Variants in GABRG3 observed in about 807,000 individuals in gnomAD.
GABRG3 encodes gamma-aminobutyric acid type A receptor subunit gamma3.
A neutral mutation model predicts 48.8 loss-of-function variants in GABRG3; 25 were observed. The ratio of observed to expected loss-of-function variants is 0.51; its 90% CI spans 0.37 to 0.72. The LOEUF is 0.72. Ranked by LOEUF, GABRG3 falls within the 30% of genes least tolerant of loss-of-function variation. The pLI is 0.00. For synonymous variants in GABRG3, 227 were observed against 217.6 expected, an observed-to-expected ratio of 1.04 and a Z score of -0.38; for missense variants, 394 against 577.9, an observed-to-expected ratio of 0.68 and a Z score of 3.26.
At chr15:26,980,283 A>G (rs747908957) in intron 2 of GABRG3, among the ~76,000 whole-genome samples, 1 of 151,900 alleles carries the variant, frequency 6.6e-6, no homozygotes, top group Non-Finnish European at 1.5e-5. Context: ...TTTTTCTGTT[A>G]TTTTTGTTCC....
In GABRG3 at chr15:27,248,803, C is replaced by CACACAGAG. The variant is rs1377080195; in HGVS notation, c.271-78005_271-78004insCACAGAGA. 4.7e-3 allele frequency among the ~76,000 whole-genome samples: 521 copies of CACACAGAG among 110,108 alleles called. 4 individuals are homozygous for CACACAGAG. The highest frequency in any genetic ancestry group is 0.019 in the African/African-American group (493 of 25,540). The allele number at this position is 110,108 out of a possible 152,430, so 72.2% of individuals were successfully genotyped here. A position where few individuals can be genotyped will look rare whatever the true frequency, so the allele number is the denominator to read the frequency against. ...ACACACACACACACACACACACACA[C>CACACAGAG]AGAGAGAGAGAGAGAGAGAGAGAGA... On this transcript the variant is annotated intron_variant, in intron 3 of 9. Transcript: ENST00000615808.
intron 3 of GABRG3, among the ~76,000 whole-genome samples, chr15:27,219,128 G>C (rs945079697): frequency 2.0e-5 from 3 of 152,156 alleles, no homozygotes; most frequent in African/African-American, 7.2e-5. Flanking sequence ...TCTTTGATAT[G>C]CTATCTCTTG....
chr15:27,250,472 T>A (rs1237624006), intron 3 of GABRG3, among the ~76,000 whole-genome samples: 1 of 152,304 alleles, frequency 6.6e-6, no homozygotes, highest in East Asian at 1.9e-4. Context: ...CCCTCTGTTG[T>A]CCAGGCTGGA....
intron 3 of GABRG3, among the ~76,000 whole-genome samples, chr15:27,270,176 A>G (rs1475012388): frequency 6.6e-6 from 1 of 152,224 alleles, no homozygotes; most frequent in East Asian, 1.9e-4. Context: ...TAGAAAAATG[A>G]ATCAAGTTTT....
chr15:27,354,516 C>T (rs1242430917), intron 5 of GABRG3, among the ~76,000 whole-genome samples: 1 of 152,180 alleles, frequency 6.6e-6, no homozygotes, highest in Non-Finnish European at 1.5e-5. Context: ...GTGGCACTGC[C>T]TGTGTGTGGA....
intron 5 of GABRG3, among the ~76,000 whole-genome samples, chr15:27,478,792 C>T (rs1458622371): frequency 6.6e-6 from 1 of 152,054 alleles, no homozygotes; most frequent in Non-Finnish European, 1.5e-5. Flanking sequence ...TATATCTGTA[C>T]AATAAAATAT....
intron 3 of GABRG3, among the ~76,000 whole-genome samples, chr15:27,111,025 T>G (rs1219152997): frequency 6.6e-6 from 1 of 152,214 alleles, no homozygotes; most frequent in East Asian, 1.9e-4. Context: ...AAATGATGCA[T>G]GTGTTATATT....
intron 5 of GABRG3, among the ~76,000 whole-genome samples, chr15:27,358,494 G>A (rs1455227141): frequency 1.3e-5 from 2 of 151,956 alleles, no homozygotes; most frequent in African/African-American, 4.8e-5. Context: ...CTGGTGGCAT[G>A]GTCAGTAAGT....
chr15:26,972,888 C>T (rs1194577788), intron 1 of GABRG3, among the ~76,000 whole-genome samples: 1 of 152,174 alleles, frequency 6.6e-6, no homozygotes, highest in Non-Finnish European at 1.5e-5. Context: ...TCACAGGCAA[C>T]TCTTTCAAAG....
intron 6 of GABRG3, among the ~76,000 whole-genome samples, chr15:27,493,786 C>T (rs1406323923): frequency 2.6e-5 from 4 of 152,154 alleles, no homozygotes; most frequent in Non-Finnish European, 4.4e-5. Flanking sequence ...ACCTACCAGC[C>T]AGAGATTGTT....
intron 5 of GABRG3, among the ~76,000 whole-genome samples, chr15:27,426,305 C>G (rs377696160): frequency 1.2e-4 from 18 of 152,234 alleles, no homozygotes; most frequent in African/African-American, 3.9e-4. Flanking sequence ...TTATAATGTG[C>G]TTGTCTGGGT....
intron 2 of GABRG3, among the ~76,000 whole-genome samples, chr15:27,004,432 C>T (rs1041261343): frequency 1.3e-5 from 2 of 151,478 alleles, no homozygotes; most frequent in African/African-American, 2.4e-5. Context: ...GATGGGATGG[C>T]GGCCGGGCAG....
At chr15:26,988,830 C>T (rs1261502529) in intron 2 of GABRG3, among the ~76,000 whole-genome samples, 1 of 152,048 alleles carries the variant, frequency 6.6e-6, no homozygotes, top group Non-Finnish European at 1.5e-5. Flanking sequence ...TTTAACTTAT[C>T]ACAGTCTACC....
At chr15:27,304,954 T>C (rs773686637) in intron 3 of GABRG3, among the ~76,000 whole-genome samples, 3 of 152,010 alleles carry the variant, frequency 2.0e-5, no homozygotes, top group Non-Finnish European at 4.4e-5. Flanking sequence ...TTTCACTTAT[T>C]GTATATCCTT....
chr15:27,050,810 T>C (rs185898284), intron 3 of GABRG3, among the ~76,000 whole-genome samples: 1 of 152,310 alleles, frequency 6.6e-6, no homozygotes, highest in East Asian at 1.9e-4. Context: ...AGTCATACAG[T>C]ATTACCACTG....
At chr15:27,222,028 C>G (rs1889470477) in intron 3 of GABRG3, among the ~76,000 whole-genome samples, 1 of 152,180 alleles carries the variant, frequency 6.6e-6, no homozygotes, top group Admixed American at 6.5e-5. Context: ...ATTCTTTCTG[C>G]CTTTCAAAAG....
intron 2 of GABRG3, among the ~76,000 whole-genome samples, chr15:27,020,772 C>G (rs1895879200): frequency 6.6e-6 from 1 of 152,096 alleles, no homozygotes; most frequent in Non-Finnish European, 1.5e-5. Context: ...TTCATTTGCT[C>G]TCGCGATGTC....
chr15:27,429,447 A>G (rs1888385179), intron 5 of GABRG3, among the ~76,000 whole-genome samples: 1 of 152,168 alleles, frequency 6.6e-6, no homozygotes, highest in Non-Finnish European at 1.5e-5. Context: ...CACATGCCAT[A>G]AATTTCATCA....
chr15:27,339,828 AG>A (rs1894106092), intron 5 of GABRG3, among the ~76,000 whole-genome samples: 1 of 152,208 alleles, frequency 6.6e-6, no homozygotes, highest in African/African-American at 2.4e-5. Context: ...TCTGAGGATA[AG>A]AAGGGGACTT....
Sources: allele counts gnomAD v4.1 joint callset (sites outside exome capture counted in the v4.1 genomes callset), GRCh38; gene constraint gnomAD v4.1.1; transcripts MANE v1.5; gene names NCBI Gene and HGNC (gene_info 2026-07-23, HGNC 2026-07-21).